ARHGAP18: variants seen among roughly 807,000 people sequenced by gnomAD.
ARHGAP18 encodes Rho GTPase activating protein 18.
ARHGAP18 carries 67 observed loss-of-function variants against 86.2 expected under a neutral mutation model. That is an observed-to-expected ratio of 0.78 (90% CI 0.64 to 0.95). The LOEUF (loss-of-function observed/expected upper bound fraction) is 0.95. Ranked by LOEUF, ARHGAP18 falls within the 40% of genes least tolerant of loss-of-function variation. The probability of loss-of-function intolerance (pLI) is 0.00; values close to 1 mark genes in which losing one functional copy is unlikely to be tolerated. For synonymous variants in ARHGAP18, 283 were observed against 280.4 expected, an observed-to-expected ratio of 1.01 and a Z score of -0.09; for missense variants, 691 against 780.4, an observed-to-expected ratio of 0.89 and a Z score of 1.37.
chr6:129,623,857 T>C (rs183707891), intron 5 of ARHGAP18, among the ~76,000 whole-genome samples: 1 of 152,320 alleles, frequency 6.6e-6, no homozygotes, highest in East Asian at 1.9e-4. Context: ...TTTCATATAT[T>C]TATTTGATCT....
intron 11 of ARHGAP18, among the ~76,000 whole-genome samples, chr6:129,600,248 A>G (rs560578025): frequency 6.6e-6 from 1 of 152,174 alleles, no homozygotes; most frequent in Non-Finnish European, 1.5e-5. Flanking sequence ...AGCTGTCAAA[A>G]CAAGCTCAAA....
At chr6:129,597,706 GTAAC>G (rs1788642547) in intron 12 of ARHGAP18, among the ~76,000 whole-genome samples, 1 of 151,122 alleles carries the variant, frequency 6.6e-6, no homozygotes, top group African/African-American at 2.4e-5. Flanking sequence ...TTGTTGATGA[GTAAC>G]TGAATTTCAC....
At chr6:129,596,219 C>T (rs892034372) in intron 12 of ARHGAP18, among the ~76,000 whole-genome samples, 10 of 152,156 alleles carry the variant, frequency 6.6e-5, no homozygotes, top group Non-Finnish European at 1.0e-4. Context: ...AATCTTGCCC[C>T]ATTGCCCCTC....
intron 1 of ARHGAP18, among the ~76,000 whole-genome samples, chr6:129,643,845 G>T (rs1773520480): frequency 6.6e-6 from 1 of 152,054 alleles, no homozygotes; most frequent in Admixed American, 6.5e-5. Context: ...TAAGGGAGAG[G>T]GTCACTAAAC....
intron 12 of ARHGAP18, among the ~76,000 whole-genome samples, chr6:129,588,776 A>C (rs550596756): frequency 6.6e-6 from 1 of 152,304 alleles, no homozygotes; most frequent in African/African-American, 2.4e-5. Flanking sequence ...CCCTGCAGCA[A>C]ATTTTGCCTG....
At chr6:129,619,584 A>AGGGGAGCAGGGAAGGGGAG (rs1789182901) in intron 5 of ARHGAP18, among the ~76,000 whole-genome samples, 1 of 102,138 alleles carries the variant, frequency 9.8e-6, no homozygotes, top group Non-Finnish European at 2.0e-5. Flanking sequence ...GGGAAAAGGA[A>AGGGGAGCAGGGAAGGGGAG]GGGGAGCAGG....
At chr6:129,676,911 T>C (rs921976618) in intron 1 of ARHGAP18, among the ~76,000 whole-genome samples, 1 of 65,314 alleles carries the variant, frequency 1.5e-5, no homozygotes, top group African/African-American at 4.1e-5. Flanking sequence ...AAATTTTTTG[T>C]CCTCTTTTTT....
At chr6:129,579,121 G>GT (rs1315091084) in intron 14 of ARHGAP18, among the ~76,000 whole-genome samples, 3 of 152,090 alleles carry the variant, frequency 2.0e-5, no homozygotes, top group Admixed American at 6.6e-5. Flanking sequence ...AAAATACTTT[G>GT]TATGATAGGC....
At chr6:129,664,329 C>T (rs1213069224) in intron 1 of ARHGAP18, among the ~76,000 whole-genome samples, 1 of 152,098 alleles carries the variant, frequency 6.6e-6, no homozygotes, top group African/African-American at 2.4e-5. Context: ...AGCAGTATTA[C>T]TTTGATCAAG....
intron 1 of ARHGAP18, among the ~76,000 whole-genome samples, chr6:129,642,350 C>T (rs1290236448): frequency 6.6e-6 from 1 of 152,124 alleles, no homozygotes; most frequent in Non-Finnish European, 1.5e-5. Context: ...ACCAATGTGA[C>T]CATAGCTCAC....
At chr6:129,649,338 G>C (rs992777916) in intron 1 of ARHGAP18, among the ~76,000 whole-genome samples, 1 of 152,038 alleles carries the variant, frequency 6.6e-6, no homozygotes, top group Non-Finnish European at 1.5e-5. Context: ...GGCAAATCAC[G>C]AGGTCAGGAG....
At chr6:129,648,567 T>C (rs1445374908) in intron 1 of ARHGAP18, among the ~76,000 whole-genome samples, 1 of 151,756 alleles carries the variant, frequency 6.6e-6, no homozygotes, top group Non-Finnish European at 1.5e-5. Context: ...AGCCCAGAAG[T>C]TCAAGACCAG....
At chr6:129,707,988 G>T (rs1175999112) in intron 1 of ARHGAP18, among the ~76,000 whole-genome samples, 4 of 151,854 alleles carry the variant, frequency 2.6e-5, no homozygotes, top group Non-Finnish European at 5.9e-5. Context: ...ACCATTCTTA[G>T]GTGGTCACCG....
chr6:129,581,421 G>C (rs1315065827), intron 13 of ARHGAP18, among the ~76,000 whole-genome samples: 2 of 151,838 alleles, frequency 1.3e-5, no homozygotes, highest in South Asian at 2.1e-4. Flanking sequence ...TATTATTTTT[G>C]TTTTTAATCT....
At chr6:129,633,862 A>C (rs964405232) in intron 4 of ARHGAP18, among the ~76,000 whole-genome samples, 180 bp downstream of exon 4, 19 of 152,228 alleles carry the variant, frequency 1.2e-4, no homozygotes, top group African/African-American at 4.3e-4. Flanking sequence ...AATACACATT[A>C]AAAGAAAATT....
chr6:129,604,696 C>T (rs1349692539), intron 10 of ARHGAP18, among the ~76,000 whole-genome samples: 2 of 152,152 alleles, frequency 1.3e-5, no homozygotes, highest in Non-Finnish European at 1.5e-5. Context: ...GAGTTGACCT[C>T]TGTCTCAAAA....
At chr6:129,613,365 CA>C (rs1789024057) in intron 7 of ARHGAP18, among the ~76,000 whole-genome samples, 1 of 151,950 alleles carries the variant, frequency 6.6e-6, no homozygotes, top group Non-Finnish European at 1.5e-5. Flanking sequence ...GGGCGTTATT[CA>C]AAATAAAGCA....
At chr6:129,622,352 A>G (rs1203620238) in intron 5 of ARHGAP18, among the ~76,000 whole-genome samples, 1 of 152,096 alleles carries the variant, frequency 6.6e-6, no homozygotes. Context: ...TTTAAGCCCT[A>G]AATGTTTCAT....
intron 1 of ARHGAP18, among the ~76,000 whole-genome samples, chr6:129,646,500 T>A (rs2114504454): frequency 6.6e-6 from 1 of 152,296 alleles, no homozygotes; most frequent in East Asian, 1.9e-4. Context: ...CTCAAAGAGC[T>A]TTGGCTTATG....
Sources: allele counts gnomAD v4.1 joint callset (sites outside exome capture counted in the v4.1 genomes callset), GRCh38; gene constraint gnomAD v4.1.1; transcripts MANE v1.5; gene names NCBI Gene and HGNC (gene_info 2026-07-23, HGNC 2026-07-21).